The following SYMPK variants were observed in gnomAD, a reference collection of about 807,000 sequenced individuals.
SYMPK encodes the protein symplekin scaffold protein.
Under a neutral mutation model 136.4 loss-of-function variants are expected in SYMPK, and 49 were observed. The observed-to-expected ratio is 0.36, with a 90% CI of 0.29 to 0.46. The LOEUF (loss-of-function observed/expected upper bound fraction) is 0.46, where lower values mean the gene tolerates loss of function less well. Among genes scored for constraint, SYMPK ranks in the 20% least tolerant of loss-of-function variants. The pLI is 1.00. For synonymous variants in SYMPK, 766 were observed against 713.0 expected (o/e 1.07, Z -1.19); for missense variants, 1,365 against 1,690.0 (o/e 0.81, Z 3.37).
intron 6 of SYMPK, among the ~76,000 whole-genome samples, 161 bp from the exon 7 acceptor site, chr19:45,848,162 G>A (rs780459345): frequency 9.9e-5 from 15 of 152,152 alleles, no homozygotes; most frequent in African/African-American, 3.4e-4. Flanking sequence ...CCCAGTGCTC[G>A]GTGATGCTGG....
intron 6 of SYMPK, 136 bp downstream of exon 6, chr19:45,848,614 T>C (rs772483238): frequency 3.3e-6 from 4 of 1,225,850 alleles, no homozygotes; most frequent in East Asian, 2.4e-5. Flanking sequence ...GCTCTCCATG[T>C]TATCTGTTCC....
intron 1 of SYMPK, among the ~76,000 whole-genome samples, chr19:45,861,423 A>G (rs528493913): frequency 6.6e-6 from 1 of 152,256 alleles, no homozygotes; most frequent in Non-Finnish European, 1.5e-5. Flanking sequence ...CCATATATAC[A>G]TATTTCCCTT....
chr19:45,836,881 C>T (rs1230477416), intron 10 of SYMPK, among the ~76,000 whole-genome samples: 1 of 152,086 alleles, frequency 6.6e-6, no homozygotes, highest in African/African-American at 2.4e-5. Context: ...TAAATGCACA[C>T]ACTAAGTAAT....
intron 22 of SYMPK, chr19:45,819,236 A>G (rs572878592): frequency 2.6e-5 from 4 of 152,088 alleles, no homozygotes; most frequent in African/African-American, 7.2e-5. Context: ...CATTCTCCAT[A>G]TAGCAGCCTG....
Position 45,842,167 on chromosome 19 carries a change from A to G in SYMPK, c.1087+83T>C, listed in dbSNP as rs1971455303. 8 of 1,574,228 alleles carry G rather than the reference A, an allele frequency of 5.1e-6. No individual in the cohort carries two copies. In the South Asian group the frequency reaches 9.3e-5, roughly 18 times the overall value. On this transcript the variant is annotated intron_variant, in intron 9 of 26. Coordinates refer to ENST00000245934, the MANE Select transcript of SYMPK (RefSeq NM_004819.3). ...ACATAATCTATAATATAATCTTAGT[A>G]AATACAAATTCAGCATAGTTTAAGG... is the stretch of plus-strand genomic sequence containing the variant.
rs1214148218 is a variant in SYMPK at position 45,821,494 on chromosome 19, G to C, written c.2792-9C>G. 6.2e-7 allele frequency: 1 copy of C among 1,605,866 alleles called. No homozygotes were observed. The highest frequency in any genetic ancestry group is 8.5e-7 in the Non-Finnish European group (1 of 1,172,820). On this transcript the variant is annotated splice_polypyrimidine_tract_variant and intron_variant, in intron 21 of 26. Transcript: ENST00000245934. The surrounding 1 kb of genome is among the most constrained non-coding windows in gnomAD (Gnocchi z 4.4). Reference sequence around the variant, plus strand: ...GGCTGAGTTTCCCTCACCTGCAGCAGGCGGGAGGAAGGGTGGGGGAAGACA... The same window carrying C: ...GGCTGAGTTTCCCTCACCTGCAGCACGCGGGAGGAAGGGTGGGGGAAGACA...
intron 1 of SYMPK, among the ~76,000 whole-genome samples, chr19:45,858,735 G>A (rs1284112323): frequency 6.6e-6 from 1 of 152,022 alleles, no homozygotes; most frequent in Non-Finnish European, 1.5e-5. Context: ...GGCTGATCTC[G>A]AACTCCCGAC....
rs1007063399 is a variant in SYMPK, at chr19:45,815,415, G to A, written c.*145C>T. 4 of 970,482 alleles carry A rather than the reference G, an allele frequency of 4.1e-6. No individual in the cohort carries two copies. The highest frequency in any genetic ancestry group is 4.9e-5 in the African/African-American group (2 of 40,468). The allele number at this position is 970,482 out of a possible 1,614,324, so 60.1% of individuals were successfully genotyped here. A position where few individuals can be genotyped will look rare whatever the true frequency, so the allele number is the denominator to read the frequency against. On this transcript the variant is annotated 3_prime_UTR_variant, in exon 27 of 27. Transcript: ENST00000245934. ...GAGACGGCACCCGCGCCCCAGGCCCGCCATCCCTTTTTTTTTTTCTTTTCA... is the reference window on the plus strand; with the variant it reads ...GAGACGGCACCCGCGCCCCAGGCCCACCATCCCTTTTTTTTTTTCTTTTCA...
intron 18 of SYMPK, 108 bp from the exon 19 acceptor site, chr19:45,823,983 T>G (rs941692305): frequency 2.3e-5 from 16 of 691,120 alleles, no homozygotes; most frequent in Non-Finnish European, 3.7e-5. Context: ...AGGGTGAGAC[T>G]GAGGTGACAG....
Position 45,827,861 on chromosome 19 carries a change from C to A in SYMPK, c.2043G>T (p.Val681=). 1.9e-6 allele frequency: 3 copies of A among 1,614,022 alleles called. No homozygotes were observed. Among genetic ancestry groups the A allele is most frequent in the Non-Finnish European group, 2.5e-6 (3 of 1,180,028 alleles). ...CCTCATCCTCGCAGTACTTGCGGAC[C>A]ACCTCCAGGGCACTCTCTGTGATGA... The part of the protein sequence containing the change: ...APLITESALE[V]VRKYCEDESR... The change falls in exon 15 of 27, where the codon GTG becomes GTT. Residue 681 remains valine (V), a synonymous_variant. Coordinates refer to ENST00000245934, the MANE Select transcript of SYMPK (RefSeq NM_004819.3).
intron 1 of SYMPK, among the ~76,000 whole-genome samples, chr19:45,856,053 G>A (rs1450714523): frequency 2.6e-5 from 4 of 151,616 alleles, no homozygotes; most frequent in Non-Finnish European, 4.4e-5. Context: ...AGAGGAAACA[G>A]GGTAAAAAAA....
In SYMPK at chr19:45,822,803, G is replaced by A; in HGVS notation, c.2744C>T (p.Pro915Leu). 1 of 1,614,144 alleles carries A rather than the reference G, an allele frequency of 6.2e-7. No homozygotes were observed. The highest frequency in any genetic ancestry group is 1.1e-5 in the South Asian group (1 of 91,078). Residue 915 changes from proline (P) to leucine (L), a missense_variant, in exon 21 of 27, where the codon CCC (proline) becomes CTC (leucine). Pro to Leu is a moderately conservative substitution (Grantham distance 98). Coordinates refer to ENST00000245934, the MANE Select transcript of SYMPK (RefSeq NM_004819.3). ...GTTGAAGACTTCCTTCACCACGATG[G>A]GGTTGAGTTTGATGAGTTTAGGCAG... ...QALPKLIKLN[P>L]IVVKEVFNRL... is the part of the protein sequence containing the mutation.
At position 45,844,204 on chromosome 19, in the gene SYMPK, A is replaced by C. The variant is rs1477681787; in HGVS notation, c.677-4T>G. The C allele has an allele frequency of 6.3e-7, 1 of 1,576,528 alleles. No individual in the cohort carries two copies. The highest frequency in any genetic ancestry group is 8.6e-7 in the Non-Finnish European group (1 of 1,160,962). ...TTGCCCTCTTCCCATAGCACGTCTA[A>C]GAGACAGAGAGGAGAACCAGTCAGT... On this transcript the variant is annotated splice_polypyrimidine_tract_variant and splice_region_variant and intron_variant, in intron 7 of 26. Transcript: ENST00000245934.
intron 14 of SYMPK, chr19:45,828,650 T>A (rs1410461889): frequency 1.3e-5 from 5 of 371,884 alleles, no homozygotes; most frequent in Non-Finnish European, 2.0e-5. Context: ...GAGAAGTCTA[T>A]CTCCAGGCCC....
rs771458835 is a variant in SYMPK at position 45,838,534 on chromosome 19, G to A, written c.1169C>T (p.Ser390Phe). ...SGTSKASAQI[S>F]GQSDTDITAE... Reference sequence around the variant, plus strand: ...TGTGATGTCCGTGTCTGACTGGCCGGAGATCTGCGCTGAGGCCTTCGAGGT... The same window carrying A: ...TGTGATGTCCGTGTCTGACTGGCCGAAGATCTGCGCTGAGGCCTTCGAGGT... The change falls in exon 10 of 27, where the codon TCC becomes TTC. Residue 390 changes from serine to phenylalanine, a missense_variant. Around this residue, in one of 11 missense-constraint regions of SYMPK, gnomAD observed 111 missense variants for 141.2 expected, o/e 0.79. Coordinates refer to ENST00000245934, the MANE Select transcript of SYMPK (RefSeq NM_004819.3). The A allele has an allele frequency of 6.2e-7, 1 of 1,614,076 alleles. No homozygotes were observed. Among genetic ancestry groups the A allele is most frequent in the Non-Finnish European group, 8.5e-7 (1 of 1,180,038 alleles).
At chr19:45,823,589 G>T in intron 19 of SYMPK, 117 bp from the exon 20 acceptor site, 2 of 1,043,912 alleles carry the variant, frequency 1.9e-6, no homozygotes, top group Non-Finnish European at 2.9e-6. Context: ...CTTCACCCTT[G>T]GCTGCTCACG....
In SYMPK at chr19:45,838,602, C is replaced by T. The variant is rs1399031859; in HGVS notation, c.1101G>A (p.Gly367=). The T allele has an allele frequency of 3.7e-6, 6 of 1,613,746 alleles. No individual in the cohort carries two copies. Among genetic ancestry groups the T allele is most frequent in the Non-Finnish European group, 5.1e-6 (6 of 1,179,824 alleles). ...CCAAGTCTTTGTCCTCATCGTCCTC[C>T]CCCAGGTTGGGCTCTGGGATGAGGG... ...LKKMKLEPNL[G]EDDEDKDLEP... Residue 367 remains glycine (G), a synonymous_variant, in exon 10 of 27, where the codon GGG becomes GGA. Coordinates refer to ENST00000245934, the MANE Select transcript of SYMPK (RefSeq NM_004819.3).
At chr19:45,841,428 G>A (rs1329906340) in intron 9 of SYMPK, among the ~76,000 whole-genome samples, 3 of 151,974 alleles carry the variant, frequency 2.0e-5, no homozygotes. Flanking sequence ...GAGTATCTGG[G>A]ATTACAGGCA....
At chr19:45,824,141 C>T (rs998507274) in intron 18 of SYMPK, 2 of 443,340 alleles carry the variant, frequency 4.5e-6, no homozygotes, top group Non-Finnish European at 8.3e-6. Flanking sequence ...GTGGCTCAGA[C>T]TTGACCTGAC....
Sources: allele counts gnomAD v4.1 joint callset (sites outside exome capture counted in the v4.1 genomes callset), GRCh38; gene constraint gnomAD v4.1.1; regional missense constraint gnomAD v4.1.1; non-coding constraint Gnocchi (gnomAD v3.1); transcripts MANE v1.5; gene names NCBI Gene and HGNC (gene_info 2026-07-23, HGNC 2026-07-21).